The following TNFSF4 variants were observed in gnomAD, a reference collection of about 807,000 sequenced individuals.
TNFSF4 encodes the protein tumor necrosis factor ligand superfamily member 4.
TNFSF4 carries 4 observed loss-of-function variants against 7.3 expected under a neutral mutation model. That is an observed-to-expected ratio of 0.55 (90% CI 0.27 to 1.25). The LOEUF (loss-of-function observed/expected upper bound fraction) is 1.25, where lower values mean the gene tolerates loss of function less well. Among genes scored for constraint, TNFSF4 ranks in the 50% most tolerant of loss-of-function variants. TNFSF4 has a pLI of 0.12. For synonymous variants in TNFSF4, 76 were observed against 83.7 expected (o/e 0.91, Z 0.50); for missense variants, 181 against 208.8 (o/e 0.87, Z 0.82).
the TNFSF4 span, among the ~76,000 whole-genome samples, chr1:173,215,943 C>T: frequency 6.6e-6 from 1 of 152,172 alleles, no homozygotes; most frequent in African/African-American, 2.4e-5. Context: ...ATCCACGTCA[C>T]TCAGGAGCTT....
At chr1:173,381,603 C>A in the TNFSF4 span, among the ~76,000 whole-genome samples, 111 of 152,306 alleles carry the variant, frequency 7.3e-4, no homozygotes, top group African/African-American at 2.6e-3. Flanking sequence ...CCTGAACCAA[C>A]CCATTGGCCT....
At chr1:173,416,744 G>A in the TNFSF4 span, among the ~76,000 whole-genome samples, 2 of 151,782 alleles carry the variant, frequency 1.3e-5, no homozygotes, top group African/African-American at 4.8e-5. Context: ...CCACAGATGT[G>A]CGCCAGCATG....
chr1:173,206,899 G>A, intron 1 of TNFSF4, 125 bp downstream of exon 1: 2 of 1,128,500 alleles, frequency 1.8e-6, no homozygotes, highest in Non-Finnish European at 2.4e-6. Context: ...TACGATTGCT[G>A]TGGGGAGAGG....
the TNFSF4 span, chr1:173,351,914 C>A: frequency 1.8e-6 from 1 of 556,454 alleles, no homozygotes; most frequent in Non-Finnish European, 3.3e-6. Context: ...TGGACAAAGA[C>A]CGCAAAAAGA....
At chr1:173,270,193 T>C in the TNFSF4 span, among the ~76,000 whole-genome samples, 5 of 152,134 alleles carry the variant, frequency 3.3e-5, no homozygotes, top group African/African-American at 1.2e-4. Flanking sequence ...GGGGAAAACA[T>C]TTAGAAGTTC....
the TNFSF4 span, among the ~76,000 whole-genome samples, chr1:173,283,325 G>A: frequency 1.3e-5 from 2 of 152,058 alleles, no homozygotes; most frequent in Non-Finnish European, 2.9e-5. Flanking sequence ...AACCTGAGAG[G>A]GAATCAATGG....
the TNFSF4 span, among the ~76,000 whole-genome samples, chr1:173,268,721 C>T: frequency 6.6e-6 from 1 of 151,966 alleles, no homozygotes; most frequent in Non-Finnish European, 1.5e-5. Flanking sequence ...CTCAATCCAG[C>T]TATATACTGT....
chr1:173,285,153 C>T, the TNFSF4 span, among the ~76,000 whole-genome samples: 2 of 152,008 alleles, frequency 1.3e-5, no homozygotes, highest in African/African-American at 2.4e-5. Flanking sequence ...AATATCAACC[C>T]TCATGAATGA....
the TNFSF4 span, among the ~76,000 whole-genome samples, chr1:173,256,357 G>T: frequency 6.6e-6 from 1 of 152,258 alleles, no homozygotes; most frequent in South Asian, 2.1e-4. Context: ...TTCCTGGCCT[G>T]CAGATGGCCA....
At chr1:173,289,698 G>C in the TNFSF4 span, among the ~76,000 whole-genome samples, 1 of 152,058 alleles carries the variant, frequency 6.6e-6, no homozygotes, top group Admixed American at 6.6e-5. Flanking sequence ...ACGATTAAAA[G>C]AATTAATGGG....
chr1:173,447,502 G>T, the TNFSF4 span, among the ~76,000 whole-genome samples: 1 of 152,048 alleles, frequency 6.6e-6, no homozygotes, highest in African/African-American at 2.4e-5. Context: ...AGGGCATATG[G>T]GAACTCTCTG....
At chr1:173,281,835 A>ATATTAACAT in the TNFSF4 span, among the ~76,000 whole-genome samples, 4 of 152,210 alleles carry the variant, frequency 2.6e-5, no homozygotes, top group East Asian at 7.7e-4. Context: ...TATGAGGGAC[A>ATATTAACAT]TATTAACATT....
the TNFSF4 span, among the ~76,000 whole-genome samples, chr1:173,244,444 C>T: frequency 1.3e-5 from 2 of 151,748 alleles, no homozygotes; most frequent in Non-Finnish European, 2.9e-5. Context: ...AGATCGAGAC[C>T]ATCCCGGCTA....
Position 173,186,608 on chromosome 1 carries a change from T to C in TNFSF4, c.460A>G (p.Thr154Ala). The change falls in exon 3 of 3, where the codon ACC becomes GCC. Residue 154 changes from threonine (T) to alanine (A), a missense_variant. By Grantham distance (58) the Thr-to-Ala change is moderately conservative. Transcript: ENST00000281834. ...TYKDKVYLNV[T>A]TDNTSLDDFH... ...TCATCCAGGGAGGTATTGTCAGTGG[T>C]CACATTCAAGTAGACTTTGTCTTTG... The C allele has an allele frequency of 1.2e-6, 2 of 1,614,164 alleles. No homozygotes were observed. The highest frequency in any genetic ancestry group is 1.7e-6 in the Non-Finnish European group (2 of 1,180,004).
At chr1:173,384,742 T>C in the TNFSF4 span, among the ~76,000 whole-genome samples, 121,840 of 152,214 alleles carry the variant, frequency 0.8, 48,998 homozygotes, top group East Asian at 0.91. Flanking sequence ...AATGTTCCAA[T>C]AAGGTGCATA....
the TNFSF4 span, among the ~76,000 whole-genome samples, chr1:173,227,878 G>C: frequency 6.6e-6 from 1 of 152,200 alleles, no homozygotes; most frequent in African/African-American, 2.4e-5. Flanking sequence ...AGGTGGCAGC[G>C]AGGCTGGGGG....
At chr1:173,218,495 A>T in the TNFSF4 span, among the ~76,000 whole-genome samples, 2 of 150,978 alleles carry the variant, frequency 1.3e-5, no homozygotes, top group African/African-American at 4.9e-5. Flanking sequence ...AATTCCCAAG[A>T]CTCCTTATAC....
the TNFSF4 span, among the ~76,000 whole-genome samples, chr1:173,406,892 G>C: frequency 1.3e-5 from 2 of 152,210 alleles, no homozygotes; most frequent in Admixed American, 1.3e-4. Flanking sequence ...TGTGGCCGTG[G>C]GGTGAAAGTG....
At chr1:173,175,537 T>A in the TNFSF4 span, 1 of 152,204 alleles carries the variant, frequency 6.6e-6, no homozygotes, top group African/African-American at 2.4e-5. Context: ...TTCTCCTCAC[T>A]TGTACTCCCT....
Sources: gnomAD v4.1 joint callset for allele counts (sites outside exome capture counted in the v4.1 genomes callset) on GRCh38, gnomAD v4.1.1 for gene constraint, MANE v1.5 for transcripts, NCBI Gene and HGNC (gene_info 2026-07-23, HGNC 2026-07-21) for gene names.